Variants in STX18 observed in about 807,000 individuals in gnomAD.
STX18 encodes the protein syntaxin 18, also known as syntaxin-18.
STX18 carries 40 observed loss-of-function variants against 50.1 expected under a neutral mutation model. The observed-to-expected ratio is 0.80, with a 90% CI of 0.62 to 1.04. STX18 has a LOEUF of 1.04. Ranked by LOEUF, STX18 falls within the 50% of genes least tolerant of loss-of-function variation. The pLI is 0.00. For missense variants in STX18, 410 were observed against 415.8 expected, an observed-to-expected ratio of 0.99 and a Z score of 0.12; for synonymous variants, 158 against 151.8, an observed-to-expected ratio of 1.04 and a Z score of -0.30.
chr4:4,473,051 T>A (rs887978337), intron 1 of STX18, among the ~76,000 whole-genome samples: 1 of 152,196 alleles, frequency 6.6e-6, no homozygotes, highest in African/African-American at 2.4e-5. Context: ...CTCAACACTT[T>A]CACGTACATG....
intron 1 of STX18, among the ~76,000 whole-genome samples, chr4:4,524,029 C>A (rs538400778): frequency 6.6e-6 from 1 of 152,296 alleles, no homozygotes; most frequent in African/African-American, 2.4e-5. Flanking sequence ...TAGTTATGTG[C>A]CTCTAAGTCT....
intron 1 of STX18, among the ~76,000 whole-genome samples, chr4:4,521,642 T>C (rs1730514800): frequency 6.6e-6 from 1 of 152,112 alleles, no homozygotes; most frequent in Admixed American, 6.5e-5. Flanking sequence ...TTAAAATTAT[T>C]AACTGATCAA....
At chr4:4,451,200 G>A (rs1726732781) in intron 5 of STX18, among the ~76,000 whole-genome samples, 1 of 152,120 alleles carries the variant, frequency 6.6e-6, no homozygotes, top group Admixed American at 6.5e-5. Context: ...TTTCTACCTG[G>A]CCAGCATCTG....
chr4:4,443,909 T>C (rs1045234466), intron 5 of STX18, among the ~76,000 whole-genome samples: 3 of 152,246 alleles, frequency 2.0e-5, no homozygotes, highest in Non-Finnish European at 2.9e-5. Context: ...AGCAGGTTTG[T>C]GGTGTTCAAA....
chr4:4,451,043 G>A (rs1726716887), intron 5 of STX18, among the ~76,000 whole-genome samples: 1 of 152,170 alleles, frequency 6.6e-6, no homozygotes, highest in South Asian at 2.1e-4. Flanking sequence ...AGTCCCCAGG[G>A]AAATTACAAA....
chr4:4,481,120 C>T (rs1311616119), intron 1 of STX18, among the ~76,000 whole-genome samples: 1 of 152,146 alleles, frequency 6.6e-6, no homozygotes, highest in Non-Finnish European at 1.5e-5. Flanking sequence ...TGTGAATTAC[C>T]CAAAGCACGA....
At chr4:4,534,205 T>A (rs1392061644) in intron 1 of STX18, among the ~76,000 whole-genome samples, 1 of 152,198 alleles carries the variant, frequency 6.6e-6, no homozygotes, top group Non-Finnish European at 1.5e-5. Context: ...CAATCCAGGT[T>A]TATCAGTAAG....
At chr4:4,535,148 T>A (rs926212748) in intron 1 of STX18, among the ~76,000 whole-genome samples, 1 of 152,236 alleles carries the variant, frequency 6.6e-6, no homozygotes, top group Non-Finnish European at 1.5e-5. Flanking sequence ...ACTTTGAGGT[T>A]TCCACTGATT....
At chr4:4,456,051 G>A (rs775647296) in intron 5 of STX18, among the ~76,000 whole-genome samples, 7 of 152,048 alleles carry the variant, frequency 4.6e-5, no homozygotes, top group Non-Finnish European at 8.8e-5. Flanking sequence ...TGGGAGGCAG[G>A]GGGATTGCCT....
At chr4:4,497,959 C>A (rs547158687) in intron 1 of STX18, among the ~76,000 whole-genome samples, 72 of 152,310 alleles carry the variant, frequency 4.7e-4, no homozygotes, top group Non-Finnish European at 1.0e-3. Flanking sequence ...AATGTATTCA[C>A]AGGTGCCTCC....
At chr4:4,476,160 GT>G (rs1473904645) in intron 1 of STX18, 2 of 152,184 alleles carry the variant, frequency 1.3e-5, no homozygotes, top group Non-Finnish European at 2.9e-5. Flanking sequence ...ATGGAAAAGA[GT>G]TTTCATCAGT....
chr4:4,493,684 T>C (rs1274853864), intron 1 of STX18, among the ~76,000 whole-genome samples: 1 of 152,230 alleles, frequency 6.6e-6, no homozygotes, highest in Admixed American at 6.5e-5. Context: ...AGTCTAAATC[T>C]ATACTAAAGC....
chr4:4,435,901 G>A (rs772520367), intron 6 of STX18, among the ~76,000 whole-genome samples: 1 of 152,210 alleles, frequency 6.6e-6, no homozygotes, highest in Non-Finnish European at 1.5e-5. Flanking sequence ...GTTCATCACC[G>A]GGGTAGGGTT....
chr4:4,515,042 TCTTTAAGTTTCA>T (rs1400689328), intron 1 of STX18, among the ~76,000 whole-genome samples: 2 of 152,208 alleles, frequency 1.3e-5, no homozygotes, highest in Non-Finnish European at 2.9e-5. Context: ...CTTGTAATCC[TCTTTAAGTTTCA>T]CTTTCTCCAT....
chr4:4,536,791 C>A (rs1463834663), intron 1 of STX18, among the ~76,000 whole-genome samples: 23 of 152,144 alleles, frequency 1.5e-4, no homozygotes, highest in Admixed American at 1.5e-3. Flanking sequence ...GTTTAGCTTC[C>A]ACAAAAGAAT....
At chr4:4,447,557 C>T (rs1276236258) in intron 5 of STX18, among the ~76,000 whole-genome samples, 3 of 130,256 alleles carry the variant, frequency 2.3e-5, no homozygotes, top group African/African-American at 8.7e-5. Flanking sequence ...CGCCACTGCA[C>T]TCCAGCCTGG....
intron 1 of STX18, among the ~76,000 whole-genome samples, chr4:4,508,752 A>ACCATGTGT (rs1369561187): frequency 6.6e-6 from 1 of 152,022 alleles, no homozygotes; most frequent in Non-Finnish European, 1.5e-5. Context: ...TTGCTCCCCC[A>ACCATGTGT]CCATGTGTCC....
intron 1 of STX18, among the ~76,000 whole-genome samples, chr4:4,509,107 T>C (rs1276756369): frequency 6.6e-6 from 1 of 152,248 alleles, no homozygotes; most frequent in African/African-American, 2.4e-5. Context: ...TCAAATGGTA[T>C]TTCTGCCTCT....
At chr4:4,489,541 C>T (rs753866033) in intron 1 of STX18, among the ~76,000 whole-genome samples, 15 of 151,202 alleles carry the variant, frequency 9.9e-5, no homozygotes, top group Non-Finnish European at 1.8e-4. Context: ...TGAGCCACCA[C>T]ACCCGGCCAG....
Sources: allele counts gnomAD v4.1 joint callset (sites outside exome capture counted in the v4.1 genomes callset), GRCh38; gene constraint gnomAD v4.1.1; transcripts MANE v1.5; gene names NCBI Gene and HGNC (gene_info 2026-07-23, HGNC 2026-07-21).